The following ARHGAP20 variants were observed in gnomAD, a reference collection of about 807,000 sequenced individuals.
The protein encoded by ARHGAP20 is Rho GTPase activating protein 20.
Under a neutral mutation model 73.7 loss-of-function variants are expected in ARHGAP20, and 34 were observed. That is an observed-to-expected ratio of 0.46 (90% CI 0.35 to 0.61). The LOEUF (loss-of-function observed/expected upper bound fraction) is 0.61. ARHGAP20 is among the 20% of genes least tolerant of loss of function. The pLI is 0.00. For synonymous variants in ARHGAP20, 523 were observed against 518.2 expected, an observed-to-expected ratio of 1.01 and a Z score of -0.13; for missense variants, 1,314 against 1,420.9, an observed-to-expected ratio of 0.92 and a Z score of 1.21.
chr11:110,705,738 G>A (rs1006690866), intron 1 of ARHGAP20, among the ~76,000 whole-genome samples: 2 of 152,146 alleles, frequency 1.3e-5, no homozygotes, highest in African/African-American at 4.8e-5. Context: ...TGAGTTGAGA[G>A]AGTTTCAACT....
chr11:110,690,662 A>G (rs1950225291), intron 1 of ARHGAP20, 33 bp from the exon 2 acceptor site: 2 of 1,592,664 alleles, frequency 1.3e-6, no homozygotes, highest in Non-Finnish European at 8.6e-7. Flanking sequence ...TGAAGACCAC[A>G]TGGCTTGTAA....
intron 4 of ARHGAP20, among the ~76,000 whole-genome samples, chr11:110,617,737 T>C (rs1948515136): frequency 6.6e-6 from 1 of 152,226 alleles, no homozygotes; most frequent in African/African-American, 2.4e-5. Flanking sequence ...TCTTTAGTAA[T>C]TCTTAATCTC....
intron 2 of ARHGAP20, among the ~76,000 whole-genome samples, chr11:110,647,211 T>C (rs1450648817): frequency 6.6e-6 from 1 of 151,932 alleles, no homozygotes; most frequent in Non-Finnish European, 1.5e-5. Context: ...GGGTTAAGGA[T>C]GGAGATAAGA....
chr11:110,634,148 A>G lies in ARHGAP20; in HGVS notation c.189-3356T>C, dbSNP rs146540983. On this transcript the variant is annotated intron_variant, in intron 2 of 14. Coordinates refer to ENST00000683387, the MANE Select transcript of ARHGAP20 (RefSeq NM_001384657.1). ...GAGGTCTCAAAAGGTGTCTTGGGGT[A>G]AAAAGTCATCAGTTGGTCATTAAGA... 5.0e-3 allele frequency among the ~76,000 whole-genome samples: 765 copies of G among 152,274 alleles called. 3 individuals are homozygous for G. Among genetic ancestry groups the G allele is most frequent in the South Asian group, 0.021 (101 of 4,834 alleles).
At position 110,606,751 on chromosome 11, in the gene ARHGAP20, TAC is replaced by T; in HGVS notation, c.776-4_776-3del. 3.3e-6 allele frequency: 5 copies of T among 1,528,818 alleles called. No homozygotes were observed. The highest frequency in any genetic ancestry group is 4.4e-6 in the Non-Finnish European group (5 of 1,140,088). The allele number at this position is 1,528,818 out of a possible 1,614,324, so 94.7% of individuals were successfully genotyped here. On this transcript the variant is annotated splice_polypyrimidine_tract_variant and splice_region_variant and intron_variant, in intron 8 of 14. Coordinates refer to ENST00000683387, the MANE Select transcript of ARHGAP20 (RefSeq NM_001384657.1). Reference sequence around the variant, plus strand: ...TAATTCCATATGGATATTCATGCCCTACACAGAGACAAATCTAAATGTAGACT... The same window carrying T: ...TAATTCCATATGGATATTCATGCCCTACAGAGACAAATCTAAATGTAGACT...
rs185695667 is a variant in ARHGAP20 at position 110,589,054 on chromosome 11, A to G, written c.1305+1594T>C. Among the ~76,000 whole-genome samples the G allele has an allele frequency of 6.4e-3, 976 of 152,316 alleles. 6 individuals carry two copies. The highest frequency in any genetic ancestry group is 6.2e-3 in the Admixed American group (95 of 15,300). On this transcript the variant is annotated intron_variant, in intron 11 of 14. Transcript: ENST00000683387. The stretch of plus-strand genomic sequence containing the variant: ...GCCACTGCACTCCAGCCTGGGCAAC[A>G]GAGTGAGACCCCGACTGAAAAAAAC...
At chr11:110,610,228 GAAT>G (rs1481733566) in intron 7 of ARHGAP20, among the ~76,000 whole-genome samples, 1 of 151,908 alleles carries the variant, frequency 6.6e-6, no homozygotes, top group Non-Finnish European at 1.5e-5. Context: ...AAAATTTAAC[GAAT>G]TATTAGATTA....
At chr11:110,587,374 A>C (rs1016844855) in intron 11 of ARHGAP20, among the ~76,000 whole-genome samples, 1 of 152,254 alleles carries the variant, frequency 6.6e-6, no homozygotes, top group Admixed American at 6.5e-5. Context: ...AGGACAGGTG[A>C]AAGTCTGCAA....
chr11:110,643,227 T>A (rs1949112892), intron 2 of ARHGAP20, among the ~76,000 whole-genome samples: 1 of 152,130 alleles, frequency 6.6e-6, no homozygotes, highest in Non-Finnish European at 1.5e-5. Flanking sequence ...AATCAACTTC[T>A]GGTTTTACTG....
At chr11:110,609,093 T>A in intron 7 of ARHGAP20, 43 bp from the exon 8 acceptor site, 1 of 1,578,832 alleles carries the variant, frequency 6.3e-7, no homozygotes, top group Non-Finnish European at 8.7e-7. Context: ...ATCTTTCACA[T>A]TTGATACTTG....
intron 2 of ARHGAP20, among the ~76,000 whole-genome samples, chr11:110,682,529 C>G (rs1174072667): frequency 1.3e-5 from 2 of 152,106 alleles, no homozygotes; most frequent in Non-Finnish European, 2.9e-5. Context: ...GGGTTCTGGT[C>G]CTGTCTCTGA....
intron 2 of ARHGAP20, among the ~76,000 whole-genome samples, chr11:110,668,934 A>T (rs1476382983): frequency 6.6e-6 from 1 of 152,164 alleles, no homozygotes; most frequent in Non-Finnish European, 1.5e-5. Context: ...ATAAAAATGA[A>T]CACTGACCCT....
chr11:110,640,765 AG>A (rs1949061325), intron 2 of ARHGAP20, among the ~76,000 whole-genome samples: 1 of 76,476 alleles, frequency 1.3e-5, no homozygotes, highest in African/African-American at 5.0e-5. Flanking sequence ...AATCAGGGGG[AG>A]GGGGGAGGGA....
chr11:110,627,780 A>G (rs1005663957), intron 3 of ARHGAP20, among the ~76,000 whole-genome samples: 4 of 152,198 alleles, frequency 2.6e-5, no homozygotes, highest in Non-Finnish European at 5.9e-5. Context: ...CTCAATGGCT[A>G]TTATCAGAGA....
intron 2 of ARHGAP20, among the ~76,000 whole-genome samples, chr11:110,632,689 C>T (rs979161350): frequency 6.6e-6 from 1 of 152,148 alleles, no homozygotes; most frequent in African/African-American, 2.4e-5. Context: ...ACAGGTTGAG[C>T]CACCATGCCC....
chr11:110,597,883 T>C (rs1380684535), intron 9 of ARHGAP20, among the ~76,000 whole-genome samples: 1 of 152,220 alleles, frequency 6.6e-6, no homozygotes, highest in African/African-American at 2.4e-5. Context: ...GAGCTTTTAA[T>C]GCACACATCT....
At chr11:110,669,731 C>A (rs941644990) in intron 2 of ARHGAP20, among the ~76,000 whole-genome samples, 1 of 152,094 alleles carries the variant, frequency 6.6e-6, no homozygotes, top group African/African-American at 2.4e-5. Flanking sequence ...AATGATACAA[C>A]CACATTAGAA....
chr11:110,642,218 G>A (rs79935620), intron 2 of ARHGAP20, among the ~76,000 whole-genome samples: 3,087 of 152,186 alleles, frequency 0.02, 96 homozygotes, highest in African/African-American at 0.064. Flanking sequence ...TCTAGGTAGA[G>A]AATCATATCG....
At chr11:110,648,210 A>AT (rs1949254484) in intron 2 of ARHGAP20, among the ~76,000 whole-genome samples, 50 of 113,284 alleles carry the variant, frequency 4.4e-4, no homozygotes, top group African/African-American at 1.7e-3. Flanking sequence ...TATATATGTA[A>AT]ATATATATAT....
Sources: gnomAD v4.1 joint callset for allele counts (sites outside exome capture counted in the v4.1 genomes callset) on GRCh38, gnomAD v4.1.1 for gene constraint, MANE v1.5 for transcripts, NCBI Gene and HGNC (gene_info 2026-07-23, HGNC 2026-07-21) for gene names.